The following TENM4 variants were observed in gnomAD, a reference collection of about 807,000 sequenced individuals.
TENM4 encodes teneurin transmembrane protein 4, also known as teneurin-4.
Under a neutral mutation model 243.3 loss-of-function variants are expected in TENM4, and 82 were observed. The observed-to-expected ratio is 0.34, with a 90% CI of 0.28 to 0.40. The LOEUF is 0.40. TENM4 is among the 10% of genes least tolerant of loss of function. The pLI, the probability that TENM4 is intolerant of heterozygous loss-of-function variation, is 1.00. For synonymous variants in TENM4, 1,412 were observed against 1,456.3 expected (o/e 0.97, Z 0.69); for missense variants, 3,138 against 3,673.3 (o/e 0.85, Z 3.77).
chr11:79,139,777 A>AATATATATATATTTATATAAATATAAT (rs1231182496), intron 4 of TENM4, among the ~76,000 whole-genome samples: 2 of 26,796 alleles, frequency 7.5e-5, no homozygotes, highest in Non-Finnish European at 1.2e-4. Context: ...ATAAATATAT[A>AATATATATATATTTATATAAATATAAT]ATATATATTA....
chr11:79,008,688 T>C lies in TENM4; in HGVS notation c.493+56050A>G, dbSNP rs1302260718. On this transcript the variant is annotated intron_variant, in intron 6 of 33. Coordinates refer to ENST00000278550, the MANE Select transcript of TENM4 (RefSeq NM_001098816.3). Reference sequence around the variant, plus strand: ...TATGGAGCTGGTTTCTGATTTTTTTTTGTGATTATAAATAATGACATCATG... The same window carrying C: ...TATGGAGCTGGTTTCTGATTTTTTTCTGTGATTATAAATAATGACATCATG... Among the ~76,000 whole-genome samples, 4 of 152,232 alleles carry C rather than the reference T, an allele frequency of 2.6e-5. No individual in the cohort carries two copies. The East Asian group carries it at 5.8e-4, about 22-fold the overall frequency.
At chr11:79,173,862 A>C (rs1469141859) in intron 3 of TENM4, among the ~76,000 whole-genome samples, 2 of 152,238 alleles carry the variant, frequency 1.3e-5, no homozygotes, top group South Asian at 2.1e-4. Flanking sequence ...TTAGCCCAGA[A>C]GAATGTCTTC....
At chr11:78,942,644 G>A (rs768692493) in intron 6 of TENM4, among the ~76,000 whole-genome samples, 1 of 152,050 alleles carries the variant, frequency 6.6e-6, no homozygotes, top group Non-Finnish European at 1.5e-5. Context: ...CAAGCTCTGT[G>A]GGCAACACGA....
chr11:79,097,829 T>A (rs1290128925), intron 4 of TENM4: 1 of 150,070 alleles, frequency 6.7e-6, no homozygotes, highest in Non-Finnish European at 1.5e-5. Context: ...ATTTTGCTTT[T>A]TTTTTTTAAA....
intron 9 of TENM4, among the ~76,000 whole-genome samples, chr11:78,885,489 C>T (rs1855530561): frequency 6.6e-6 from 1 of 152,370 alleles, no homozygotes; most frequent in South Asian, 2.1e-4. Flanking sequence ...CATGGGCAAG[C>T]CTCTGGCTTC....
In TENM4 at chr11:79,335,972, T is replaced by G. The variant is rs1857140625; in HGVS notation, c.-320-38429A>C. ...GGACCACTTCCTCTAAGCAGCTCTC[T>G]TTGCTGATTCCCTGTCTAAGCTCCC... On this transcript the variant is annotated intron_variant, in intron 1 of 33. Transcript: ENST00000278550. 2.6e-5 allele frequency among the ~76,000 whole-genome samples: 4 copies of G among 151,702 alleles called. No individual in the cohort carries two copies. In the South Asian group the frequency reaches 8.3e-4, roughly 32 times the overall value.
chr11:79,413,396 G>T (rs1045549739), intron 1 of TENM4, among the ~76,000 whole-genome samples: 2 of 152,202 alleles, frequency 1.3e-5, no homozygotes, highest in African/African-American at 4.8e-5. Flanking sequence ...CCAGCAAGAA[G>T]CTAGGCAGCT....
intron 9 of TENM4, among the ~76,000 whole-genome samples, chr11:78,889,411 G>C (rs920956769): frequency 6.6e-6 from 1 of 152,352 alleles, no homozygotes; most frequent in East Asian, 1.9e-4. Context: ...GCTACCTGCT[G>C]TTCAGCCTCT....
intron 9 of TENM4, among the ~76,000 whole-genome samples, chr11:78,878,999 T>C (rs1378917237): frequency 1.3e-5 from 2 of 152,116 alleles, no homozygotes; most frequent in East Asian, 3.9e-4. Flanking sequence ...AAAAATGTCC[T>C]GTGCACCATC....
intron 20 of TENM4, among the ~76,000 whole-genome samples, chr11:78,732,907 C>T (rs1252578563): frequency 6.6e-6 from 1 of 152,130 alleles, no homozygotes; most frequent in Non-Finnish European, 1.5e-5. Context: ...GCTGAAAGCC[C>T]AGTGAAAAGT....
chr11:79,343,241 T>C (rs1857271175), intron 1 of TENM4, among the ~76,000 whole-genome samples: 1 of 152,258 alleles, frequency 6.6e-6, no homozygotes, highest in Non-Finnish European at 1.5e-5. Flanking sequence ...GTGCTTCACA[T>C]GCATTATGGT....
intron 19 of TENM4, among the ~76,000 whole-genome samples, chr11:78,748,759 T>C (rs1025601439): frequency 1.8e-4 from 27 of 152,222 alleles, no homozygotes; most frequent in Non-Finnish European, 5.9e-5. Flanking sequence ...TTAAAGGTGT[T>C]ACTACCTATA....
chr11:79,095,096 G>C (rs2137061910), intron 4 of TENM4, among the ~76,000 whole-genome samples: 1 of 152,276 alleles, frequency 6.6e-6, no homozygotes. Context: ...GGGGTGGGGA[G>C]AGGGGGGTGA....
intron 2 of TENM4, among the ~76,000 whole-genome samples, chr11:79,274,920 A>T (rs565404330): frequency 6.6e-6 from 1 of 152,196 alleles, no homozygotes; most frequent in East Asian, 1.9e-4. Flanking sequence ...TCCTGCAGGG[A>T]GTTGGGAATG....
At chr11:79,371,192 T>G (rs1857778073) in intron 1 of TENM4, among the ~76,000 whole-genome samples, 5 of 152,342 alleles carry the variant, frequency 3.3e-5, no homozygotes, top group African/African-American at 1.2e-4. Flanking sequence ...GGTGGCTTCA[T>G]GTCAGTGTGA....
intron 1 of TENM4, among the ~76,000 whole-genome samples, chr11:79,353,183 A>AGG (rs1483455678): frequency 6.6e-6 from 1 of 152,186 alleles, no homozygotes; most frequent in East Asian, 1.9e-4. Flanking sequence ...ATACTTGCTG[A>AGG]GGGCTGGAGG....
intron 6 of TENM4, among the ~76,000 whole-genome samples, chr11:78,923,693 C>CTGTTTTTT (rs1856494065): frequency 1.9e-5 from 1 of 53,654 alleles, no homozygotes; most frequent in Admixed American, 3.4e-4. Context: ...ATGCACCTGG[C>CTGTTTTTT]TTTTTTTTTT....
chr11:78,732,327 G>T lies in TENM4; in HGVS notation c.3127C>A (p.Pro1043Thr). 1.3e-6 allele frequency: 2 copies of T among 1,594,634 alleles called. No homozygotes were observed. The highest frequency in any genetic ancestry group is 1.7e-6 in the Non-Finnish European group (2 of 1,166,726). Residue 1043 changes from proline (P) to threonine (T), a missense_variant, in exon 21 of 34, where the codon CCG (proline) becomes ACG (threonine). This residue lies in a region of TENM4 where 2,467 missense variants were observed against 3,059.1 expected (regional missense o/e 0.81). Coordinates refer to ENST00000278550, the MANE Select transcript of TENM4 (RefSeq NM_001098816.3). ...GGAAAGCTGGGTACCTGAATTTCCGGCACAATGGGGCCTTTCTCTGCACAG... is the reference window on the plus strand; with the variant it reads ...GGAAAGCTGGGTACCTGAATTTCCGTCACAATGGGGCCTTTCTCTGCACAG... ...SSCAEKGPIV[P>T]EIQALQEEIS...
chr11:79,406,558 G>A (rs1329753025), intron 1 of TENM4, among the ~76,000 whole-genome samples: 1 of 152,114 alleles, frequency 6.6e-6, no homozygotes, highest in Admixed American at 6.5e-5. Flanking sequence ...CTCACCATGT[G>A]ATCCAATGTT....
Sources: allele counts gnomAD v4.1 joint callset (sites outside exome capture counted in the v4.1 genomes callset), GRCh38; gene constraint gnomAD v4.1.1; regional missense constraint gnomAD v4.1.1; transcripts MANE v1.5; gene names NCBI Gene and HGNC (gene_info 2026-07-23, HGNC 2026-07-21).